SNCAIP: variants seen among roughly 807,000 people sequenced by gnomAD.
SNCAIP encodes the protein synphilin-1.
Under a neutral mutation model 86.7 loss-of-function variants are expected in SNCAIP, and 43 were observed. The ratio of observed to expected loss-of-function variants is 0.50; its 90% CI spans 0.39 to 0.64. The LOEUF (loss-of-function observed/expected upper bound fraction) is 0.64, where lower values mean the gene tolerates loss of function less well. SNCAIP is among the 30% of genes least tolerant of loss of function. SNCAIP has a pLI of 0.00. For synonymous variants in SNCAIP, 417 were observed against 427.2 expected (o/e 0.98, Z 0.29); for missense variants, 981 against 1,103.1 (o/e 0.89, Z 1.57).
intron 8 of SNCAIP, 93 bp downstream of exon 8, chr5:122,444,825 C>G: frequency 9.5e-7 from 1 of 1,056,482 alleles, no homozygotes; most frequent in Non-Finnish European, 1.5e-6. Flanking sequence ...ACTCTTCTTT[C>G]CAGTTGTACA....
chr5:122,431,231 A>G (rs1324922739), intron 5 of SNCAIP, among the ~76,000 whole-genome samples: 1 of 152,146 alleles, frequency 6.6e-6, no homozygotes, highest in African/African-American at 2.4e-5. Context: ...TACAGCTACC[A>G]TATGACTCAG....
At chr5:122,369,253 G>T (rs778327965) in intron 1 of SNCAIP, among the ~76,000 whole-genome samples, 37 of 152,286 alleles carry the variant, frequency 2.4e-4, no homozygotes, top group Non-Finnish European at 4.0e-4. Flanking sequence ...GCTACTGTGA[G>T]AATATAATGC....
At position 122,451,057 on chromosome 5, in the gene SNCAIP, T is replaced by C. The variant is rs958697843; in HGVS notation, c.2210T>C (p.Ile737Thr). 19 of 1,614,050 alleles carry C rather than the reference T, an allele frequency of 1.2e-5. No individual in the cohort carries two copies. Among genetic ancestry groups the C allele is most frequent in the Non-Finnish European group, 1.6e-5 (19 of 1,180,042 alleles). The change falls in exon 10 of 11, where the codon ATC becomes ACC. Residue 737 changes from isoleucine to threonine, a missense_variant. Ile to Thr is a moderately conservative substitution (Grantham distance 89, BLOSUM62 -1). Coordinates refer to ENST00000261368, the MANE Select transcript of SNCAIP (RefSeq NM_005460.4). The stretch of plus-strand genomic sequence containing the variant: ...GGGGGACGCAGGTTTCCTTTCAGCA[T>C]CAAGGCCTCCAAATCCCTGGATGGC... ...ASGGRRFPFSIKASKSLDGHS... is the reference protein window; with the variant it reads ...ASGGRRFPFSTKASKSLDGHS...
intron 3 of SNCAIP, among the ~76,000 whole-genome samples, chr5:122,411,779 A>T (rs748132711): frequency 1.3e-5 from 2 of 152,150 alleles, no homozygotes; most frequent in Non-Finnish European, 2.9e-5. Flanking sequence ...TCACAATCAA[A>T]ATCTGCGTTT....
Position 122,429,648 on chromosome 5 carries a change from G to A in SNCAIP, c.1183-2321G>A, listed in dbSNP as rs575109869. 3.3e-5 allele frequency among the ~76,000 whole-genome samples: 5 copies of A among 152,154 alleles called. No homozygotes were observed. The South Asian group carries it at 8.3e-4, about 25-fold the overall frequency. On this transcript the variant is annotated intron_variant, in intron 5 of 10. Transcript: ENST00000261368. ...TGTATTTGTGTGTTAGTGGTTTTTC[G>A]TTTTTAATCCTGGTAGGAAACATTT...
chr5:122,382,611 G>A (rs1767105394), intron 1 of SNCAIP, among the ~76,000 whole-genome samples: 2 of 152,154 alleles, frequency 1.3e-5, no homozygotes, highest in South Asian at 4.1e-4. Context: ...TGGAGGAGGA[G>A]AGGCGCTCTG....
intron 1 of SNCAIP, among the ~76,000 whole-genome samples, chr5:122,377,081 A>G (rs189498951): frequency 1.6e-3 from 251 of 152,262 alleles, no homozygotes; most frequent in Non-Finnish European, 2.6e-3. Context: ...GACATCCCTG[A>G]TATGTCCTCC....
At position 122,440,631 on chromosome 5, in the gene SNCAIP, A is replaced by G; in HGVS notation, c.1299A>G (p.Glu433=). 3 of 1,613,744 alleles carry G rather than the reference A, an allele frequency of 1.9e-6. No individual in the cohort carries two copies. Among genetic ancestry groups the G allele is most frequent in the Non-Finnish European group, 2.5e-6 (3 of 1,179,618 alleles). ...LIHYAGCYGQ[E]KILLWLLQFM... is the part of the protein sequence containing the mutation. The stretch of plus-strand genomic sequence containing the variant: ...TCCAACTGTCTTTGTGTTTATAGGA[A>G]AAGATTCTTCTGTGGCTTCTTCAGT... The change falls in exon 7 of 11, where the codon GAA becomes GAG. Residue 433 remains glutamate (E), a splice_region_variant and synonymous_variant. Transcript: ENST00000261368.
intron 1 of SNCAIP, among the ~76,000 whole-genome samples, chr5:122,360,566 A>G (rs1304219137): frequency 1.3e-5 from 2 of 152,194 alleles, no homozygotes; most frequent in Admixed American, 1.3e-4. Flanking sequence ...TCTTTAATTA[A>G]TGAATGTTAC....
At chr5:122,329,728 C>A (rs1754872645) in intron 1 of SNCAIP, among the ~76,000 whole-genome samples, 2 of 152,098 alleles carry the variant, frequency 1.3e-5, no homozygotes, top group South Asian at 4.2e-4. Flanking sequence ...AATAACATGG[C>A]TTTTAAAAAT....
At chr5:122,405,411 C>T (rs1038622447) in intron 3 of SNCAIP, among the ~76,000 whole-genome samples, 7 of 152,136 alleles carry the variant, frequency 4.6e-5, no homozygotes, top group African/African-American at 1.7e-4. Context: ...GCTTAATGTG[C>T]TGGGTACTGT....
chr5:122,409,726 T>C (rs1468173782), intron 3 of SNCAIP, among the ~76,000 whole-genome samples: 1 of 152,206 alleles, frequency 6.6e-6, no homozygotes, highest in African/African-American at 2.4e-5. Flanking sequence ...AGATAAAATA[T>C]GTGATGTTCT....
intron 1 of SNCAIP, among the ~76,000 whole-genome samples, chr5:122,339,504 G>A (rs1400378792): frequency 6.6e-6 from 1 of 151,934 alleles, no homozygotes; most frequent in African/African-American, 2.4e-5. Context: ...TTTAGCCAAA[G>A]GGGGAGAGGC....
At chr5:122,375,663 A>G (rs1765159264) in intron 1 of SNCAIP, among the ~76,000 whole-genome samples, 1 of 152,092 alleles carries the variant, frequency 6.6e-6, no homozygotes, top group Non-Finnish European at 1.5e-5. Context: ...AGAGAAAGGA[A>G]ATTTTAAAGT....
intron 3 of SNCAIP, among the ~76,000 whole-genome samples, chr5:122,418,730 G>A (rs1442343375): frequency 6.6e-6 from 1 of 152,178 alleles, no homozygotes; most frequent in East Asian, 1.9e-4. Flanking sequence ...CTGTAAATCA[G>A]GGGTATTTAG....
intron 5 of SNCAIP, among the ~76,000 whole-genome samples, chr5:122,430,982 A>C (rs1381256209): frequency 6.6e-6 from 1 of 152,178 alleles, no homozygotes; most frequent in Non-Finnish European, 1.5e-5. Context: ...CTCATCCCTT[A>C]ATGAAATTTT....
intron 1 of SNCAIP, among the ~76,000 whole-genome samples, chr5:122,345,602 A>G (rs1272581131): frequency 6.6e-6 from 1 of 152,106 alleles, no homozygotes; most frequent in Non-Finnish European, 1.5e-5. Context: ...TCTGTACAGC[A>G]TTATTCCCAT....
chr5:122,422,887 T>C lies in SNCAIP; in HGVS notation c.150T>C (p.Asn50=), dbSNP rs764673172. The change falls in exon 4 of 11, where the codon AAT becomes AAC. Residue 50 remains asparagine (N), a synonymous_variant. Coordinates refer to ENST00000261368, the MANE Select transcript of SNCAIP (RefSeq NM_005460.4). The part of the protein sequence containing the change: ...EDRSVSSSSW[N]CGISTLITNT... ...AAACAGTTTCTAGCTCTAGCTGGAATTGTGGCATCTCAACTCTTATTACAA... is the reference window on the plus strand; with the variant it reads ...AAACAGTTTCTAGCTCTAGCTGGAACTGTGGCATCTCAACTCTTATTACAA... 3 of 1,613,998 alleles carry C rather than the reference T, an allele frequency of 1.9e-6. No homozygotes were observed. The South Asian group carries it at 3.3e-5, about 18-fold the overall frequency.
chr5:122,356,619 C>T (rs1398330850), intron 1 of SNCAIP, among the ~76,000 whole-genome samples: 2 of 152,184 alleles, frequency 1.3e-5, no homozygotes, highest in East Asian at 3.9e-4. Context: ...CACCTTCTTT[C>T]TCTTGGTTCC....
Sources: gnomAD v4.1 joint callset for allele counts (sites outside exome capture counted in the v4.1 genomes callset) on GRCh38, gnomAD v4.1.1 for gene constraint, MANE v1.5 for transcripts, NCBI Gene and HGNC (gene_info 2026-07-23, HGNC 2026-07-21) for gene names.